The following RBFOX1 variants were observed in gnomAD, a reference collection of about 807,000 sequenced individuals.
The protein encoded by RBFOX1 is RNA binding protein fox-1 homolog 1.
Under a neutral mutation model 57.7 loss-of-function variants are expected in RBFOX1, and 8 were observed. That is an observed-to-expected ratio of 0.14 (90% CI 0.08 to 0.25). RBFOX1 has a LOEUF of 0.25. Ranked by LOEUF, RBFOX1 falls within the 10% of genes least tolerant of loss-of-function variation. The pLI is 1.00. For synonymous variants in RBFOX1, 326 were observed against 222.4 expected (o/e 1.47, Z -4.15); for missense variants, 611 against 548.5 (o/e 1.11, Z -1.14).
chr16:6,448,179 A>G (rs144172557), intron 2 of RBFOX1, among the ~76,000 whole-genome samples: 826 of 11,260 alleles, frequency 0.073, 11 homozygotes, highest in Middle Eastern at 0.21. Context: ...TTTTTTTTTG[A>G]GATGGAATCC....
At chr16:6,759,246 G>T (rs867252343) in intron 3 of RBFOX1, among the ~76,000 whole-genome samples, 4 of 151,908 alleles carry the variant, frequency 2.6e-5, no homozygotes, top group Non-Finnish European at 5.9e-5. Context: ...CACCTCCTGG[G>T]TTCCAGCAGT....
chr16:6,305,771 G>T (rs2079436781), intron 1 of RBFOX1, among the ~76,000 whole-genome samples: 1 of 151,780 alleles, frequency 6.6e-6, no homozygotes, highest in African/African-American at 2.4e-5. Context: ...CTCACCCAAG[G>T]TCAAGCAACT....
chr16:6,563,904 A>T (rs1456015355), intron 2 of RBFOX1, among the ~76,000 whole-genome samples: 7 of 151,088 alleles, frequency 4.6e-5, no homozygotes, highest in Non-Finnish European at 1.0e-4. Context: ...ATGTGCGTAT[A>T]TGTGTGTGTG....
At chr16:6,604,382 G>A (rs1040236838) in intron 2 of RBFOX1, among the ~76,000 whole-genome samples, 4 of 151,786 alleles carry the variant, frequency 2.6e-5, no homozygotes. Flanking sequence ...TTGCTTTGTT[G>A]CCCAAGCAGG....
At chr16:6,349,832 A>T (rs1406421818) in intron 2 of RBFOX1, among the ~76,000 whole-genome samples, 1 of 152,128 alleles carries the variant, frequency 6.6e-6, no homozygotes, top group Non-Finnish European at 1.5e-5. Flanking sequence ...GATTAATAAG[A>T]TATCCAACTC....
chr16:7,320,237 A>G (rs1471948435), intron 4 of RBFOX1, among the ~76,000 whole-genome samples: 1 of 149,358 alleles, frequency 6.7e-6, no homozygotes, highest in Non-Finnish European at 1.5e-5. Flanking sequence ...TTCCCCCACC[A>G]CCCCCTACAG....
intron 14 of RBFOX1, among the ~76,000 whole-genome samples, chr16:7,703,568 C>A (rs547263062): frequency 1.3e-5 from 2 of 152,200 alleles, no homozygotes; most frequent in Admixed American, 6.5e-5. Flanking sequence ...AGTGTTCTTA[C>A]TGTGGCCCTA....
chr16:7,560,239 C>T (rs1430175057), intron 5 of RBFOX1, among the ~76,000 whole-genome samples: 4 of 152,194 alleles, frequency 2.6e-5, no homozygotes, highest in African/African-American at 7.2e-5. Context: ...CTGTCAAGAA[C>T]CCCCTATGGG....
chr16:7,208,980 T>G (rs1191929161), intron 4 of RBFOX1, among the ~76,000 whole-genome samples: 3 of 151,988 alleles, frequency 2.0e-5, no homozygotes, highest in African/African-American at 7.2e-5. Context: ...TCATCTTCCC[T>G]CTATGCATGT....
chr16:6,203,180 A>G (rs1300357803), intron 1 of RBFOX1, among the ~76,000 whole-genome samples: 4 of 152,072 alleles, frequency 2.6e-5, no homozygotes, highest in African/African-American at 7.2e-5. Flanking sequence ...TAGGCCTTAC[A>G]TTATACAGGA....
At chr16:6,631,953 A>T (rs1159639890) in intron 2 of RBFOX1, among the ~76,000 whole-genome samples, 2 of 152,198 alleles carry the variant, frequency 1.3e-5, no homozygotes, top group East Asian at 3.9e-4. Flanking sequence ...GCAAAGAGCT[A>T]TGTTGGGAGC....
intron 3 of RBFOX1, among the ~76,000 whole-genome samples, chr16:6,831,540 C>T (rs990543043): frequency 6.6e-6 from 1 of 152,146 alleles, no homozygotes; most frequent in Non-Finnish European, 1.5e-5. Context: ...CACCTCTGAA[C>T]ATTACATCTA....
chr16:7,128,073 G>T (rs1049258370), intron 4 of RBFOX1, among the ~76,000 whole-genome samples: 6 of 152,146 alleles, frequency 3.9e-5, no homozygotes, highest in African/African-American at 1.4e-4. Flanking sequence ...CTTCCTTAAT[G>T]GGGGCTCAAG....
At chr16:7,240,554 G>C (rs2094003316) in intron 4 of RBFOX1, among the ~76,000 whole-genome samples, 1 of 151,814 alleles carries the variant, frequency 6.6e-6, no homozygotes, top group Non-Finnish European at 1.5e-5. Flanking sequence ...TTGTTTGTTT[G>C]TTTTTGTTTG....
intron 1 of RBFOX1, among the ~76,000 whole-genome samples, chr16:6,100,744 T>C (rs1047871158): frequency 2.0e-5 from 3 of 152,314 alleles, no homozygotes; most frequent in South Asian, 2.1e-4. Flanking sequence ...GGTCCATCAA[T>C]CTTAATTAAC....
intron 1 of RBFOX1, among the ~76,000 whole-genome samples, chr16:6,280,605 A>G (rs1224835638): frequency 1.3e-5 from 2 of 152,182 alleles, no homozygotes; most frequent in Non-Finnish European, 2.9e-5. Flanking sequence ...CGCAGTACTC[A>G]GGAAGGTGGC....
intron 5 of RBFOX1, among the ~76,000 whole-genome samples, chr16:7,550,076 C>T (rs373153033): frequency 6.6e-6 from 1 of 151,958 alleles, no homozygotes; most frequent in Non-Finnish European, 1.5e-5. Flanking sequence ...AACACAGGCA[C>T]ACAACACCAT....
At chr16:7,513,633 C>T (rs554726552) in intron 4 of RBFOX1, among the ~76,000 whole-genome samples, 23 of 152,288 alleles carry the variant, frequency 1.5e-4, no homozygotes, top group Non-Finnish European at 5.9e-5. Context: ...TGTGACAAAA[C>T]TGTCTCCAGT....
At chr16:7,708,591 A>G (rs945360085) in intron 14 of RBFOX1, among the ~76,000 whole-genome samples, 5 of 152,212 alleles carry the variant, frequency 3.3e-5, no homozygotes, top group African/African-American at 1.2e-4. Context: ...GCTGGACACT[A>G]ACTTCAGACA....
Sources: allele counts gnomAD v4.1 joint callset (sites outside exome capture counted in the v4.1 genomes callset), GRCh38; gene constraint gnomAD v4.1.1; transcripts MANE v1.5; gene names NCBI Gene and HGNC (gene_info 2026-07-23, HGNC 2026-07-21).